CNTNAP2: variants seen among roughly 807,000 people sequenced by gnomAD.
CNTNAP2 encodes the protein contactin associated protein 2.
Under a neutral mutation model 155.2 loss-of-function variants are expected in CNTNAP2, and 98 were observed. The observed-to-expected ratio is 0.63, with a 90% confidence interval of 0.54 to 0.75. The LOEUF (loss-of-function observed/expected upper bound fraction) is 0.75. Ranked by LOEUF, CNTNAP2 falls within the 30% of genes least tolerant of loss-of-function variation. The probability of loss-of-function intolerance (pLI) is 0.00; values close to 1 mark genes in which losing one functional copy is unlikely to be tolerated. For synonymous variants in CNTNAP2, 651 were observed against 631.2 expected, an observed-to-expected ratio of 1.03 and a Z score of -0.47; for missense variants, 1,727 against 1,688.1, an observed-to-expected ratio of 1.02 and a Z score of -0.40.
intron 9 of CNTNAP2, among the ~76,000 whole-genome samples, chr7:147,317,794 G>GTGTATATA (rs1554468791): frequency 1.5e-5 from 1 of 65,488 alleles, no homozygotes; most frequent in African/African-American, 7.4e-5. Flanking sequence ...GTGTGTGTGT[G>GTGTATATA]TGTGTATATG....
At chr7:147,193,163 G>T (rs1428966030) in intron 8 of CNTNAP2, among the ~76,000 whole-genome samples, 1 of 152,090 alleles carries the variant, frequency 6.6e-6, no homozygotes, top group East Asian at 1.9e-4. Context: ...AAAATTCAAG[G>T]TTATTCATGT....
chr7:147,546,897 G>A (rs908212789), intron 11 of CNTNAP2, among the ~76,000 whole-genome samples: 2 of 152,138 alleles, frequency 1.3e-5, no homozygotes, highest in Non-Finnish European at 2.9e-5. Context: ...CATGCATGAG[G>A]CCACATCAAT....
At chr7:148,208,697 C>T (rs1267437029) in intron 18 of CNTNAP2, among the ~76,000 whole-genome samples, 1 of 152,112 alleles carries the variant, frequency 6.6e-6, no homozygotes, top group Admixed American at 6.5e-5. Flanking sequence ...AGGCCAAAAT[C>T]AATGATTAGG....
intron 1 of CNTNAP2, among the ~76,000 whole-genome samples, chr7:146,461,921 A>T (rs575911853): frequency 6.6e-6 from 1 of 152,358 alleles, no homozygotes; most frequent in African/African-American, 2.4e-5. Flanking sequence ...GAAATGTGAA[A>T]GATAAAATAT....
intron 14 of CNTNAP2, among the ~76,000 whole-genome samples, chr7:147,928,746 C>G (rs548260171): frequency 1.1e-4 from 17 of 152,204 alleles, no homozygotes; most frequent in African/African-American, 4.1e-4. Flanking sequence ...GTCCTAAAAA[C>G]CACATCTTAT....
intron 4 of CNTNAP2, among the ~76,000 whole-genome samples, chr7:147,062,273 G>A (rs1450478081): frequency 6.9e-6 from 1 of 144,746 alleles, no homozygotes; most frequent in Non-Finnish European, 1.5e-5. Context: ...GTATATTATT[G>A]TGATTTATAT....
At chr7:148,154,568 T>A (rs1341358907) in intron 17 of CNTNAP2, among the ~76,000 whole-genome samples, 1 of 152,222 alleles carries the variant, frequency 6.6e-6, no homozygotes, top group Non-Finnish European at 1.5e-5. Flanking sequence ...AATAGAATTC[T>A]AATAATGAAA....
chr7:147,072,782 GT>G (rs569407664), intron 4 of CNTNAP2, among the ~76,000 whole-genome samples: 2 of 148,514 alleles, frequency 1.3e-5, no homozygotes, highest in South Asian at 2.1e-4. Flanking sequence ...CACATCTGTT[GT>G]TTTTTTTATT....
intron 1 of CNTNAP2, among the ~76,000 whole-genome samples, chr7:146,183,986 A>G (rs1798586860): frequency 6.6e-6 from 1 of 152,038 alleles, no homozygotes; most frequent in African/African-American, 2.4e-5. Flanking sequence ...GGAAGTATGG[A>G]CTTGATCTTG....
At chr7:146,386,043 G>A (rs1246536233) in intron 1 of CNTNAP2, among the ~76,000 whole-genome samples, 2 of 152,066 alleles carry the variant, frequency 1.3e-5, no homozygotes, top group East Asian at 3.8e-4. Context: ...TTCCCTGCTG[G>A]CCTTATCCCC....
rs777492001 is a variant in CNTNAP2 at position 147,585,472 on chromosome 7, TTTA to T, written c.1897+23220_1897+23222del. 1.8e-3 allele frequency among the ~76,000 whole-genome samples: 263 copies of T among 149,292 alleles called. 1 individual carries two copies. The highest frequency in any genetic ancestry group is 3.6e-3 in the Middle Eastern group (1 of 278). ...TACAATTATATATGTGTAAATAATA[TTTA>T]TTATCTCATTATAGATATATAGATC... On this transcript the variant is annotated intron_variant, in intron 12 of 23. Transcript: ENST00000361727.
At chr7:146,651,702 G>T (rs1799914376) in intron 1 of CNTNAP2, among the ~76,000 whole-genome samples, 1 of 152,070 alleles carries the variant, frequency 6.6e-6, no homozygotes, top group Non-Finnish European at 1.5e-5. Flanking sequence ...TTCTCTTATT[G>T]CTGTCACTCC....
intron 1 of CNTNAP2, among the ~76,000 whole-genome samples, chr7:146,363,846 A>G (rs1795119134): frequency 6.6e-6 from 1 of 152,170 alleles, no homozygotes; most frequent in African/African-American, 2.4e-5. Context: ...TATTGGGTCG[A>G]GGGAGAACAG....
At chr7:146,383,574 TG>T (rs1795420712) in intron 1 of CNTNAP2, among the ~76,000 whole-genome samples, 1 of 152,234 alleles carries the variant, frequency 6.6e-6, no homozygotes, top group African/African-American at 2.4e-5. Context: ...ATTCACTTTT[TG>T]GTGTGACCTA....
chr7:147,237,049 C>CTTTTTTTTTTTTTTTTTTTTTTTT lies in CNTNAP2; in HGVS notation c.1349-63079_1349-63056dup, dbSNP rs548220734. ...CCACTTCCTTTAGCCTTCACCTCCT[C>CTTTTTTTTTTTTTTTTTTTTTTTT]TTTTTTTTTTTTTTTTTTTTTTTTT... On this transcript the variant is annotated intron_variant, in intron 8 of 23. Coordinates refer to ENST00000361727, the MANE Select transcript of CNTNAP2 (RefSeq NM_014141.6). 3.1e-4 allele frequency among the ~76,000 whole-genome samples: 18 copies of CTTTTTTTTTTTTTTTTTTTTTTTT among 57,478 alleles called. 3 individuals are homozygous for CTTTTTTTTTTTTTTTTTTTTTTTT. The highest frequency in any genetic ancestry group is 5.4e-4 in the Non-Finnish European group (16 of 29,592). The allele number at this position is 57,478 out of a possible 152,430, so 37.7% of individuals were successfully genotyped here.
At chr7:148,226,203 T>C (rs111573183) in intron 19 of CNTNAP2, among the ~76,000 whole-genome samples, 319 of 152,118 alleles carry the variant, frequency 2.1e-3, no homozygotes, top group African/African-American at 7.4e-3. Flanking sequence ...TTAATAAAAA[T>C]ATGCTATTAT....
At chr7:147,708,307 T>C (rs1044558046) in intron 13 of CNTNAP2, among the ~76,000 whole-genome samples, 3 of 152,026 alleles carry the variant, frequency 2.0e-5, no homozygotes, top group African/African-American at 7.2e-5. Context: ...TTCCTGGGGA[T>C]ATTGGGGTCA....
intron 13 of CNTNAP2, among the ~76,000 whole-genome samples, chr7:147,812,696 G>C (rs1798199971): frequency 6.6e-6 from 1 of 152,134 alleles, no homozygotes; most frequent in African/African-American, 2.4e-5. Context: ...TCCTCAGAGA[G>C]AGTTTCTAGC....
chr7:146,759,218 C>T (rs112827320), intron 1 of CNTNAP2, among the ~76,000 whole-genome samples: 242 of 152,176 alleles, frequency 1.6e-3, no homozygotes, highest in African/African-American at 5.3e-3. Flanking sequence ...CATATTTTTA[C>T]GTTTAGATTA....
Sources: allele counts gnomAD v4.1 joint callset (sites outside exome capture counted in the v4.1 genomes callset), GRCh38; gene constraint gnomAD v4.1.1; transcripts MANE v1.5; gene names NCBI Gene and HGNC (gene_info 2026-07-23, HGNC 2026-07-21).